Variants in SHLD1 observed in about 807,000 individuals in gnomAD.
SHLD1 encodes shieldin complex subunit 1.
Under a neutral mutation model 5.5 loss-of-function variants are expected in SHLD1, and 3 were observed. That is an observed-to-expected ratio of 0.54 (90% CI 0.25 to 1.40). SHLD1 has a LOEUF of 1.40. SHLD1 is among the 40% of genes most tolerant of loss of function. The probability of loss-of-function intolerance (pLI) is 0.15; values close to 1 mark genes in which losing one functional copy is unlikely to be tolerated. For missense variants in SHLD1, 210 were observed against 244.4 expected (o/e 0.86, Z 0.94); for synonymous variants, 92 against 94.3 (o/e 0.98, Z 0.14).
intron 2 of SHLD1, among the ~76,000 whole-genome samples, chr20:5,780,438 A>G (rs1483053457): frequency 6.6e-6 from 1 of 152,132 alleles, no homozygotes; most frequent in Non-Finnish European, 1.5e-5. Context: ...ATACCCAGAA[A>G]TCCAGGCAGG....
chr20:5,764,135 A>T (rs1432477814), intron 1 of SHLD1, among the ~76,000 whole-genome samples: 1,181 of 96,180 alleles, frequency 0.012, 55 homozygotes, highest in East Asian at 0.055. Flanking sequence ...TCAAAAAAAA[A>T]AAAAATATAT....
chr20:5,832,909 C>T (rs1467811104), intron 2 of SHLD1, among the ~76,000 whole-genome samples: 1 of 152,176 alleles, frequency 6.6e-6, no homozygotes, highest in East Asian at 1.9e-4. Context: ...TCCTGGTCCT[C>T]TCCTGAGAAT....
At chr20:5,794,605 T>C (rs4813777) in intron 2 of SHLD1, among the ~76,000 whole-genome samples, 129,511 of 152,224 alleles carry the variant, frequency 0.85, 55,748 homozygotes, top group East Asian at 1. Flanking sequence ...GTGAGTGTCA[T>C]GTATATTTGT....
intron 2 of SHLD1, among the ~76,000 whole-genome samples, chr20:5,827,966 AAC>A (rs1208618335): frequency 6.6e-6 from 1 of 152,252 alleles, no homozygotes; most frequent in African/African-American, 2.4e-5. Context: ...TTGAAATAAA[AAC>A]AAGTGCTCAA....
At position 5,801,770 on chromosome 20, in the gene SHLD1, AC is replaced by A. The variant is rs540715405; in HGVS notation, c.178+28729del. Among the ~76,000 whole-genome samples the A allele has an allele frequency of 6.7e-4, 102 of 152,276 alleles. 1 individual carries two copies. In the South Asian group the frequency reaches 0.021, roughly 31 times the overall value. ...TTATTAGAGTACTCTCACAGGAATAACCTGGGAGATTGATTCCCCCGCCCCC... is the reference window on the plus strand; with the variant it reads ...TTATTAGAGTACTCTCACAGGAATAACTGGGAGATTGATTCCCCCGCCCCC... On this transcript the variant is annotated intron_variant, in intron 2 of 2. Transcript: ENST00000303142.
chr20:5,839,926 A>G (rs1327497486), intron 2 of SHLD1, among the ~76,000 whole-genome samples: 1 of 152,204 alleles, frequency 6.6e-6, no homozygotes, highest in Admixed American at 6.5e-5. Flanking sequence ...CGCCCCCACA[A>G]TACTTGAGAA....
chr20:5,811,436 G>A (rs2087457274), intron 2 of SHLD1, among the ~76,000 whole-genome samples: 2 of 152,128 alleles, frequency 1.3e-5, no homozygotes, highest in Admixed American at 6.5e-5. Flanking sequence ...AATTAAAAAG[G>A]ACAGCTTTTT....
At chr20:5,849,071 A>G (rs556663202) in intron 2 of SHLD1, among the ~76,000 whole-genome samples, 1 of 152,364 alleles carries the variant, frequency 6.6e-6, no homozygotes, top group East Asian at 1.9e-4. Flanking sequence ...CTTTAAAGGA[A>G]CAGTTGCAAA....
rs1332769444 is a variant in SHLD1, at chr20:5,844,797, A to AT, written c.179-18226dup. ...TATATATATATATATATATATATAT[A>AT]TATTTTTTTTTTTTTGAGACACAGT... On this transcript the variant is annotated intron_variant, in intron 2 of 2. Coordinates refer to ENST00000303142, the MANE Select transcript of SHLD1 (RefSeq NM_152504.4). Among the ~76,000 whole-genome samples the AT allele has an allele frequency of 6.9e-3, 657 of 95,134 alleles. 3 individuals are homozygous for AT. Among genetic ancestry groups the AT allele is most frequent in the Middle Eastern group, 0.011 (2 of 178 alleles). The allele number at this position is 95,134 out of a possible 152,430, so 62.4% of individuals were successfully genotyped here.
intron 2 of SHLD1, among the ~76,000 whole-genome samples, chr20:5,860,876 TAA>T (rs10555301): frequency 3.3e-4 from 33 of 100,776 alleles, no homozygotes; most frequent in African/African-American, 1.1e-3. Flanking sequence ...TACTATTCTT[TAA>T]AAAAAAAAAA....
At chr20:5,788,292 A>G (rs1317603163) in intron 2 of SHLD1, among the ~76,000 whole-genome samples, 1 of 143,856 alleles carries the variant, frequency 7.0e-6, no homozygotes, top group Non-Finnish European at 1.6e-5. Flanking sequence ...TAGTATATTC[A>G]GTAGTTGTTG....
intron 2 of SHLD1, among the ~76,000 whole-genome samples, chr20:5,838,723 A>G (rs1198363852): frequency 1.3e-5 from 2 of 152,254 alleles, no homozygotes; most frequent in African/African-American, 2.4e-5. Flanking sequence ...GGTTGCAGTG[A>G]GCTGAGACGG....
At chr20:5,840,014 CTT>C (rs1224030196) in intron 2 of SHLD1, among the ~76,000 whole-genome samples, 1 of 152,152 alleles carries the variant, frequency 6.6e-6, no homozygotes, top group Non-Finnish European at 1.5e-5. Flanking sequence ...AACTGTGAGA[CTT>C]TTAATTCCTA....
intron 1 of SHLD1, among the ~76,000 whole-genome samples, chr20:5,755,664 G>A (rs935629512): frequency 1.2e-4 from 19 of 152,082 alleles, no homozygotes; most frequent in South Asian, 2.1e-4. Context: ...GGTTCAAGCG[G>A]TTCTCCTGCT....
Position 5,810,887 on chromosome 20 carries a change from C to CAAAA in SHLD1, c.178+37857_178+37860dup, listed in dbSNP as rs10627373. Reference sequence around the variant, plus strand: ...TGCACTCCAGAGTGAGACTCTGTCTCAAAAAAAAAAAAAAAAGATAATTCT... The same window carrying CAAAA: ...TGCACTCCAGAGTGAGACTCTGTCTCAAAAAAAAAAAAAAAAAAAAGATAATTCT... On this transcript the variant is annotated intron_variant, in intron 2 of 2. Transcript: ENST00000303142. Among the ~76,000 whole-genome samples the CAAAA allele has an allele frequency of 4.8e-4, 58 of 120,888 alleles. 1 individual carries two copies. The highest frequency in any genetic ancestry group is 1.5e-3 in the Admixed American group (17 of 11,332). 79.3% of individuals were successfully genotyped at this position (120,888 alleles called of 152,430 possible). A position where few individuals can be genotyped will look rare whatever the true frequency, so the allele number is the denominator to read the frequency against.
chr20:5,854,872 C>CTTTTTTTTTTTTTTT lies in SHLD1; in HGVS notation c.179-8140_179-8139insTTTTTTTTTTTTTTT, dbSNP rs55776293. Among the ~76,000 whole-genome samples the CTTTTTTTTTTTTTTT allele has an allele frequency of 8.9e-4, 116 of 130,008 alleles. 5 individuals carry two copies. Among genetic ancestry groups the CTTTTTTTTTTTTTTT allele is most frequent in the Middle Eastern group, 3.6e-3 (1 of 278 alleles). 85.3% of individuals were successfully genotyped at this position (130,008 alleles called of 152,430 possible). A position where few individuals can be genotyped will look rare whatever the true frequency, so the allele number is the denominator to read the frequency against. On this transcript the variant is annotated intron_variant, in intron 2 of 2. Coordinates refer to ENST00000303142, the MANE Select transcript of SHLD1 (RefSeq NM_152504.4). ...CATTCTGTTTTCTGTCTCTATGACT[C>CTTTTTTTTTTTTTTT]TTTTTTTTTTTTAAGAGACAGGTCT...
chr20:5,775,208 T>A (rs1985368556), intron 2 of SHLD1, among the ~76,000 whole-genome samples: 1 of 152,056 alleles, frequency 6.6e-6, no homozygotes, highest in Admixed American at 6.6e-5. Flanking sequence ...ATGGCTTTTT[T>A]TTTTTTAATT....
intron 2 of SHLD1, among the ~76,000 whole-genome samples, chr20:5,842,884 T>A (rs1240946430): frequency 1.3e-5 from 2 of 152,252 alleles, no homozygotes; most frequent in Non-Finnish European, 2.9e-5. Context: ...TGTTCATTTT[T>A]TGTAGTCTCT....
chr20:5,820,335 G>A (rs556875958), intron 2 of SHLD1, among the ~76,000 whole-genome samples: 2 of 152,306 alleles, frequency 1.3e-5, no homozygotes, highest in South Asian at 2.1e-4. Flanking sequence ...AACACTCAAC[G>A]GATACTCAAC....
Sources: gnomAD v4.1 joint callset for allele counts (sites outside exome capture counted in the v4.1 genomes callset) on GRCh38, gnomAD v4.1.1 for gene constraint, MANE v1.5 for transcripts, NCBI Gene and HGNC (gene_info 2026-07-23, HGNC 2026-07-21) for gene names.